Variants in MID1 observed in about 807,000 individuals in gnomAD.
The protein encoded by MID1 is midline 1.
Under a neutral mutation model 40.4 loss-of-function variants are expected in MID1, and 7 were observed. The ratio of observed to expected loss-of-function variants is 0.17; its 90% CI spans 0.10 to 0.33. MID1 has a LOEUF of 0.33. Among genes scored for constraint, MID1 ranks in the 10% least tolerant of loss-of-function variants. The pLI is 1.00. For missense variants in MID1, 367 were observed against 558.5 expected (o/e 0.66, Z 3.46); for synonymous variants, 229 against 221.2 (o/e 1.04, Z -0.31).
intron 4 of MID1, among the ~76,000 whole-genome samples, chrX:10,491,032 A>C (rs1602297664): frequency 9.0e-6 from 1 of 111,625 alleles, no homozygotes; most frequent in Non-Finnish European, 1.9e-5. Flanking sequence ...TCCTTCATCA[A>C]CCTTAACTAC....
At chrX:10,479,432 G>T (rs1285613134) in intron 5 of MID1, among the ~76,000 whole-genome samples, 1 of 110,842 alleles carries the variant, frequency 9.0e-6, no homozygotes, top group Non-Finnish European at 1.9e-5. Flanking sequence ...CAAATAGTAG[G>T]TCTTATTCAT....
intron 1 of MID1, among the ~76,000 whole-genome samples, chrX:10,582,094 C>T (rs1268158586): frequency 2.7e-5 from 3 of 111,436 alleles, no homozygotes; most frequent in East Asian, 2.8e-4. Context: ...TCTGTTGGTT[C>T]CCCTTGTTCT....
At chrX:10,742,677 T>C (rs2043531045) in intron 1 of MID1, among the ~76,000 whole-genome samples, 1 of 112,695 alleles carries the variant, frequency 8.9e-6, no homozygotes, top group South Asian at 3.6e-4. Flanking sequence ...ATTAGACTTA[T>C]TTTCTTCACA....
intron 1 of MID1, among the ~76,000 whole-genome samples, chrX:10,768,376 T>G (rs2147125067): frequency 9.0e-6 from 1 of 111,693 alleles, no homozygotes; most frequent in African/African-American, 3.2e-5. Flanking sequence ...ACAGCTAAAT[T>G]TGTCTTTTGG....
chrX:10,510,500 G>C (rs889355745), intron 3 of MID1, among the ~76,000 whole-genome samples: 1 of 110,747 alleles, frequency 9.0e-6, no homozygotes, highest in Non-Finnish European at 1.9e-5. Context: ...AAGTCCTTAA[G>C]TAGCTCTTAT....
intron 4 of MID1, among the ~76,000 whole-genome samples, chrX:10,489,942 G>A (rs1053741139): frequency 4.5e-5 from 5 of 111,153 alleles, no homozygotes; most frequent in Admixed American, 9.6e-5. Context: ...TGATCCGCCC[G>A]CCTCGGCTTC....
At chrX:10,482,417 C>A in intron 5 of MID1, 63 bp downstream of exon 5, 1 of 1,139,946 alleles carries the variant, frequency 8.8e-7, no homozygotes, top group South Asian at 1.8e-5. Flanking sequence ...GCAAGACCAA[C>A]CAATCACAGC....
At chrX:10,516,430 G>A (rs1602334868) in intron 3 of MID1, among the ~76,000 whole-genome samples, 1 of 109,742 alleles carries the variant, frequency 9.1e-6, no homozygotes, top group East Asian at 2.9e-4. Context: ...TCCTGACCTC[G>A]TGATCCACCC....
Position 10,579,095 on chromosome X carries a change from A to T in MID1, c.-56-11492T>A, listed in dbSNP as rs191014994. On this transcript the variant is annotated intron_variant, in intron 1 of 9. Transcript: ENST00000317552. Reference sequence around the variant, plus strand: ...CACTCTTCACAAACCCCTCAGTCATAGCATCCCTTCTGCATTACAGAAACA... The same window carrying T: ...CACTCTTCACAAACCCCTCAGTCATTGCATCCCTTCTGCATTACAGAAACA... Among the ~76,000 whole-genome samples, 337 of 112,175 alleles carry T rather than the reference A, an allele frequency of 3.0e-3. 2 individuals are homozygous for T. The highest frequency in any genetic ancestry group is 0.01 in the African/African-American group (320 of 30,892).
intron 2 of MID1, among the ~76,000 whole-genome samples, chrX:10,526,989 T>C (rs906592884): frequency 9.0e-6 from 1 of 111,416 alleles, no homozygotes; most frequent in African/African-American, 3.3e-5. Context: ...TACAGGGACT[T>C]CTCTGAAGAT....
intron 8 of MID1, among the ~76,000 whole-genome samples, chrX:10,457,382 C>A (rs1173720048): frequency 8.9e-6 from 1 of 112,193 alleles, no homozygotes; most frequent in Non-Finnish European, 1.9e-5. Context: ...CCCAAATAAA[C>A]CACTACCTAC....
intron 1 of MID1, among the ~76,000 whole-genome samples, chrX:10,775,165 A>G (rs756279185): frequency 1.4e-4 from 15 of 108,262 alleles, no homozygotes; most frequent in Admixed American, 3.0e-4. Context: ...GGGGAGAGGG[A>G]GCAAGAATGT....
chrX:10,505,870 G>A, intron 3 of MID1: 1 of 753,972 alleles, frequency 1.3e-6, no homozygotes, highest in Non-Finnish European at 1.6e-6. Context: ...AAAATACTGA[G>A]TTGGACCCCT....
At chrX:10,826,999 A>C (rs776407955) in intron 1 of MID1, among the ~76,000 whole-genome samples, 115 of 111,450 alleles carry the variant, frequency 1.0e-3, no homozygotes, top group African/African-American at 3.6e-3. Context: ...TCTCTTACTT[A>C]GTCTTAATTG....
intron 1 of MID1, among the ~76,000 whole-genome samples, chrX:10,797,846 T>TA (rs781159509): frequency 1.0e-3 from 113 of 111,784 alleles, no homozygotes; most frequent in Non-Finnish European, 1.8e-3. Flanking sequence ...TGTTACTCCT[T>TA]AAAAATCTCC....
At chrX:10,556,672 C>A (rs187912149) in intron 2 of MID1, among the ~76,000 whole-genome samples, 1 of 112,163 alleles carries the variant, frequency 8.9e-6, no homozygotes, top group African/African-American at 3.2e-5. Flanking sequence ...TCACCATGCT[C>A]GGCACTTTAC....
At chrX:10,827,366 T>C (rs1160707195) in intron 1 of MID1, among the ~76,000 whole-genome samples, 1 of 110,461 alleles carries the variant, frequency 9.1e-6, no homozygotes, top group Non-Finnish European at 1.9e-5. Context: ...AAACAAGCCT[T>C]GCCTGTTAGG....
At chrX:10,723,346 C>T (rs1004528441) in intron 1 of MID1, among the ~76,000 whole-genome samples, 1 of 112,036 alleles carries the variant, frequency 8.9e-6, no homozygotes, top group African/African-American at 3.2e-5. Context: ...AAACAAGCCT[C>T]ACTCAAGAAT....
intron 1 of MID1, among the ~76,000 whole-genome samples, chrX:10,794,347 A>C (rs1224117607): frequency 1.8e-5 from 2 of 112,165 alleles, no homozygotes; most frequent in African/African-American, 6.5e-5. Flanking sequence ...AAACCCCTGA[A>C]TCATGTGGTT....
Sources: allele counts gnomAD v4.1 joint callset (sites outside exome capture counted in the v4.1 genomes callset), GRCh38; gene constraint gnomAD v4.1.1; transcripts MANE v1.5; gene names NCBI Gene and HGNC (gene_info 2026-07-23, HGNC 2026-07-21).